The following DENND4A variants were observed in gnomAD, a reference collection of about 807,000 sequenced individuals.
The protein encoded by DENND4A is C-myc promoter-binding protein.
Under a neutral mutation model 199.3 loss-of-function variants are expected in DENND4A, and 70 were observed. The observed-to-expected ratio is 0.35, with a 90% CI of 0.29 to 0.43. DENND4A has a LOEUF of 0.43. Among genes scored for constraint, DENND4A ranks in the 20% least tolerant of loss-of-function variants. The pLI, the probability that DENND4A is intolerant of heterozygous loss-of-function variation, is 1.00. For missense variants in DENND4A, 1,723 were observed against 2,255.8 expected (o/e 0.76, Z 4.78); for synonymous variants, 686 against 766.9 (o/e 0.89, Z 1.74).
chr15:65,674,746 A>G (rs1307188793), intron 24 of DENND4A, among the ~76,000 whole-genome samples: 1 of 152,144 alleles, frequency 6.6e-6, no homozygotes, highest in Non-Finnish European at 1.5e-5. Flanking sequence ...AAAAAAAAAA[A>G]AAAGACACAT....
At chr15:65,714,183 G>A (rs576952767) in intron 14 of DENND4A, among the ~76,000 whole-genome samples, 15 of 151,850 alleles carry the variant, frequency 9.9e-5, no homozygotes, top group African/African-American at 1.9e-4. Flanking sequence ...AGGCCGAGGC[G>A]GGCAGATCAC....
At chr15:65,665,246 CA>C (rs1163588682) in intron 30 of DENND4A, 98 bp downstream of exon 30, 60 of 858,216 alleles carry the variant, frequency 7.0e-5, no homozygotes, top group Non-Finnish European at 8.0e-5. Flanking sequence ...AAAAGTAGTA[CA>C]GTAAAATAAA....
chr15:65,739,108 T>C (rs2076184313), intron 5 of DENND4A, among the ~76,000 whole-genome samples: 3 of 152,202 alleles, frequency 2.0e-5, no homozygotes, highest in Admixed American at 2.0e-4. Context: ...ATAAAGGCTA[T>C]GTTAAAGCTA....
intron 24 of DENND4A, among the ~76,000 whole-genome samples, chr15:65,674,902 A>G (rs8024863): frequency 0.052 from 7,883 of 152,220 alleles, 682 homozygotes; most frequent in African/African-American, 0.18. Context: ...GTTGGCAGCA[A>G]AGGAGAAAGG....
At chr15:65,741,921 G>T in intron 4 of DENND4A, 137 bp from the exon 5 acceptor site, 1 of 555,436 alleles carries the variant, frequency 1.8e-6, no homozygotes, top group South Asian at 3.4e-5. Flanking sequence ...TTTTCAGTTG[G>T]CTGTTTTGTC....
chr15:65,729,117 G>C lies in DENND4A; in HGVS notation c.1442C>G (p.Pro481Arg). The C allele has an allele frequency of 6.3e-7, 1 of 1,593,664 alleles. No homozygotes were observed. The highest frequency in any genetic ancestry group is 8.6e-7 in the Non-Finnish European group (1 of 1,168,954). ...DSRYFDLYDP[P>R]PDVSCVDVDT... ...TACATCAACACAACTGACATCTGGTGGAGGATCATAGAGATCAAAGTATCT... is the reference window on the plus strand; with the variant it reads ...TACATCAACACAACTGACATCTGGTCGAGGATCATAGAGATCAAAGTATCT... Residue 481 changes from proline (P) to arginine (R), a missense_variant, in exon 11 of 33, where the codon CCA (proline) becomes CGA (arginine). Transcript: ENST00000443035.
At chr15:65,709,732 A>G (rs1282356425) in intron 14 of DENND4A, among the ~76,000 whole-genome samples, 1 of 141,136 alleles carries the variant, frequency 7.1e-6, no homozygotes, top group Non-Finnish European at 1.5e-5. Flanking sequence ...ATATATATAT[A>G]TATATATATA....
At chr15:65,773,286 C>T (rs549163089) in intron 1 of DENND4A, among the ~76,000 whole-genome samples, 1 of 152,124 alleles carries the variant, frequency 6.6e-6, no homozygotes, top group Non-Finnish European at 1.5e-5. Context: ...TAATTTGCAA[C>T]CAAGAATCCT....
rs537461543 is a variant in DENND4A, at chr15:65,684,162, T to C, written c.4179+6253A>G. On this transcript the variant is annotated intron_variant, in intron 23 of 32. Transcript: ENST00000443035. ...GGTTGTTTCCACTTTTTGGCTTTTATGAACAATGTTATGATTATTCACATA... is the reference window on the plus strand; with the variant it reads ...GGTTGTTTCCACTTTTTGGCTTTTACGAACAATGTTATGATTATTCACATA... 4.6e-5 allele frequency among the ~76,000 whole-genome samples: 7 copies of C among 152,346 alleles called. No homozygotes were observed. In the South Asian group the frequency reaches 1.4e-3, roughly 32 times the overall value.
At chr15:65,729,975 T>A (rs1210819290) in intron 9 of DENND4A, among the ~76,000 whole-genome samples, 4 of 152,168 alleles carry the variant, frequency 2.6e-5, no homozygotes, top group Non-Finnish European at 5.9e-5. Flanking sequence ...TATAAAAACA[T>A]CTGTCATATA....
chr15:65,684,997 C>A (rs926059173), intron 23 of DENND4A, among the ~76,000 whole-genome samples: 3 of 150,852 alleles, frequency 2.0e-5, no homozygotes, highest in Admixed American at 6.6e-5. Context: ...GCTAATCTTT[C>A]GTATTTTTAG....
chr15:65,740,965 C>G (rs879455808), intron 5 of DENND4A, among the ~76,000 whole-genome samples: 9 of 151,878 alleles, frequency 5.9e-5, no homozygotes, highest in Non-Finnish European at 1.0e-4. Flanking sequence ...CCGTACCCCC[C>G]CCAAAAAAAA....
intron 4 of DENND4A, among the ~76,000 whole-genome samples, chr15:65,748,052 A>AAAAAAAAAAAAGG (rs1478386299): frequency 2.0e-5 from 3 of 147,728 alleles, no homozygotes; most frequent in Admixed American, 2.0e-4. Flanking sequence ...AAAAAAAAAA[A>AAAAAAAAAAAAGG]AAAAAAAAAA....
At chr15:65,759,460 C>T (rs559631524) in intron 2 of DENND4A, among the ~76,000 whole-genome samples, 15 of 151,564 alleles carry the variant, frequency 9.9e-5, no homozygotes, top group African/African-American at 3.6e-4. Context: ...CCTGGGCGAC[C>T]GAGCGAGACT....
At chr15:65,705,451 T>C (rs1166819363) in intron 15 of DENND4A, among the ~76,000 whole-genome samples, 1 of 152,166 alleles carries the variant, frequency 6.6e-6, no homozygotes, top group Non-Finnish European at 1.5e-5. Flanking sequence ...TTCACCTCTA[T>C]CATAGCCCTT....
chr15:65,706,005 G>C, intron 15 of DENND4A, 86 bp downstream of exon 15: 1 of 1,376,588 alleles, frequency 7.3e-7, no homozygotes. Flanking sequence ...TTGGATTTTT[G>C]AAAATACCAC....
intron 20 of DENND4A, among the ~76,000 whole-genome samples, chr15:65,698,508 T>C (rs374458884): frequency 1.3e-5 from 2 of 152,098 alleles, no homozygotes; most frequent in East Asian, 3.9e-4. Context: ...TATGAGACTA[T>C]ATATGAAAAA....
At chr15:65,742,472 T>C (rs1426400787) in intron 4 of DENND4A, among the ~76,000 whole-genome samples, 3 of 148,318 alleles carry the variant, frequency 2.0e-5, no homozygotes, top group South Asian at 2.1e-4. Context: ...TTTTTTGAGA[T>C]AGAGTCGCAA....
chr15:65,717,592 T>C (rs2075447001), intron 13 of DENND4A, among the ~76,000 whole-genome samples, 186 bp downstream of exon 13: 1 of 152,130 alleles, frequency 6.6e-6, no homozygotes, highest in Admixed American at 6.5e-5. Context: ...CTAATGGGAT[T>C]ATATCTAATA....
Sources: allele counts gnomAD v4.1 joint callset (sites outside exome capture counted in the v4.1 genomes callset), GRCh38; gene constraint gnomAD v4.1.1; transcripts MANE v1.5; gene names NCBI Gene and HGNC (gene_info 2026-07-23, HGNC 2026-07-21).